The following ANO2 variants were observed in gnomAD, a reference collection of about 807,000 sequenced individuals.
ANO2 encodes the protein anoctamin-2.
A neutral mutation model predicts 124.2 loss-of-function variants in ANO2; 101 were observed. That is an observed-to-expected ratio of 0.81 (90% CI 0.69 to 0.96). ANO2 has a LOEUF of 0.96. ANO2 is among the 40% of genes least tolerant of loss of function. The pLI is 0.00. For missense variants in ANO2, 1,293 were observed against 1,274.5 expected, an observed-to-expected ratio of 1.01 and a Z score of -0.22; for synonymous variants, 486 against 482.5, an observed-to-expected ratio of 1.01 and a Z score of -0.09.
chr12:5,895,118 C>T (rs1454176738), intron 3 of ANO2, among the ~76,000 whole-genome samples: 1 of 152,134 alleles, frequency 6.6e-6, no homozygotes, highest in Non-Finnish European at 1.5e-5. Flanking sequence ...TCTACCTATC[C>T]ATGAGCATGG....
At chr12:5,586,464 C>A (rs1053296695) in intron 20 of ANO2, among the ~76,000 whole-genome samples, 3 of 152,212 alleles carry the variant, frequency 2.0e-5, no homozygotes, top group African/African-American at 7.2e-5. Context: ...GCTTGTAACA[C>A]ACACACACTT....
chr12:5,921,168 G>A lies in ANO2; in HGVS notation c.406C>T (p.His136Tyr), dbSNP rs1941676274. ...VSNGETGKEP[H>Y]AGGPGDIELG... The stretch of plus-strand genomic sequence containing the variant: ...TCAATGTCACCTGGGCCCCCAGCAT[G>A]AGGCTCCTTGCCTGTCTCCCCATTG... The change falls in exon 3 of 25, where the codon CAT becomes TAT. Residue 136 changes from histidine to tyrosine, a missense_variant. Transcript: ENST00000682330. 3 of 1,613,952 alleles carry A rather than the reference G, an allele frequency of 1.9e-6. No individual in the cohort carries two copies. The highest frequency in any genetic ancestry group is 2.5e-6 in the Non-Finnish European group (3 of 1,179,866).
At chr12:5,817,649 G>A (rs1235648613) in intron 7 of ANO2, among the ~76,000 whole-genome samples, 1 of 152,138 alleles carries the variant, frequency 6.6e-6, no homozygotes, top group Non-Finnish European at 1.5e-5. Flanking sequence ...GAAACAGCAT[G>A]AGCAAAGACA....
intron 14 of ANO2, among the ~76,000 whole-genome samples, chr12:5,706,196 C>A (rs1028594725): frequency 6.6e-6 from 1 of 152,228 alleles, no homozygotes; most frequent in Non-Finnish European, 1.5e-5. Flanking sequence ...GCAAAACCTC[C>A]ACCAACAGAA....
intron 8 of ANO2, 57 bp downstream of exon 8, chr12:5,807,253 AGTT>A (rs1953226192): frequency 1.4e-6 from 2 of 1,447,790 alleles, no homozygotes; most frequent in Non-Finnish European, 1.9e-6. Context: ...GCCACTGAAA[AGTT>A]GTGGTTTTCA....
intron 9 of ANO2, among the ~76,000 whole-genome samples, chr12:5,804,700 G>A (rs149819085): frequency 1.8e-4 from 27 of 152,306 alleles, no homozygotes; most frequent in East Asian, 5.8e-4. Context: ...CAGTAATTTC[G>A]TATCTTTCCA....
chr12:5,788,661 C>T (rs1467723812), intron 10 of ANO2, among the ~76,000 whole-genome samples: 1 of 152,188 alleles, frequency 6.6e-6, no homozygotes, highest in Admixed American at 6.5e-5. Flanking sequence ...AGGGTTCGAG[C>T]AACTCTCTTG....
chr12:5,818,508 G>GATAT (rs34332417), intron 7 of ANO2, among the ~76,000 whole-genome samples: 39 of 106,060 alleles, frequency 3.7e-4, no homozygotes, highest in African/African-American at 4.2e-4. Flanking sequence ...TATGTAATAG[G>GATAT]ATATATATAT....
chr12:5,606,754 C>T (rs1944239755), intron 19 of ANO2, among the ~76,000 whole-genome samples: 2 of 151,922 alleles, frequency 1.3e-5, no homozygotes, highest in Admixed American at 1.3e-4. Context: ...TTATTTTTTT[C>T]AATACACATA....
intron 9 of ANO2, among the ~76,000 whole-genome samples, chr12:5,802,123 C>T (rs752392258): frequency 5.3e-5 from 8 of 152,200 alleles, no homozygotes; most frequent in Non-Finnish European, 8.8e-5. Flanking sequence ...AAGGCAAAAA[C>T]GAAAAATGTC....
At chr12:5,578,238 G>A (rs1039446181) in intron 21 of ANO2, 128 bp downstream of exon 21, 10 of 1,370,296 alleles carry the variant, frequency 7.3e-6, no homozygotes, top group Non-Finnish European at 1.0e-5. Context: ...CAGGATATGA[G>A]GATGAGGGAC....
intron 14 of ANO2, among the ~76,000 whole-genome samples, chr12:5,708,006 A>C (rs757567113): frequency 3.3e-5 from 5 of 152,156 alleles, no homozygotes; most frequent in African/African-American, 4.8e-5. Flanking sequence ...TATTTTATAA[A>C]CACCTGGATT....
At chr12:5,912,855 C>G (rs533370274) in intron 3 of ANO2, among the ~76,000 whole-genome samples, 1 of 152,200 alleles carries the variant, frequency 6.6e-6, no homozygotes, top group South Asian at 2.1e-4. Flanking sequence ...AGCAGCGGCA[C>G]GACTGTTCCT....
intron 3 of ANO2, among the ~76,000 whole-genome samples, chr12:5,881,181 C>T (rs550980215): frequency 6.6e-6 from 1 of 152,154 alleles, no homozygotes; most frequent in Non-Finnish European, 1.5e-5. Flanking sequence ...TTGAGAGGGG[C>T]CTTCCAAAGG....
intron 7 of ANO2, among the ~76,000 whole-genome samples, chr12:5,826,437 CATATATATATATATATATAT>C (rs10526567): frequency 0.52 from 74,894 of 144,180 alleles, 20,387 homozygotes; most frequent in East Asian, 0.65. Context: ...TTAATAAACT[CATATATATATATATATATAT>C]ATATATATAT....
At chr12:5,778,570 A>G (rs1406417463) in intron 10 of ANO2, among the ~76,000 whole-genome samples, 3 of 152,226 alleles carry the variant, frequency 2.0e-5, no homozygotes, top group Non-Finnish European at 4.4e-5. Flanking sequence ...TGCAATTCCA[A>G]TAGATGGCAT....
At chr12:5,915,060 G>A (rs1941301613) in intron 3 of ANO2, among the ~76,000 whole-genome samples, 1 of 152,168 alleles carries the variant, frequency 6.6e-6, no homozygotes, top group Non-Finnish European at 1.5e-5. Context: ...GACGCTCAAG[G>A]CTGGGGCAGT....
intron 7 of ANO2, among the ~76,000 whole-genome samples, chr12:5,815,929 A>G (rs2137190581): frequency 6.6e-6 from 1 of 152,316 alleles, no homozygotes; most frequent in Middle Eastern, 3.4e-3. Context: ...CTACAAAGAA[A>G]AAAGAGACAT....
At chr12:5,566,915 C>T (rs1488053774) in intron 23 of ANO2, among the ~76,000 whole-genome samples, 3 of 152,188 alleles carry the variant, frequency 2.0e-5, no homozygotes, top group Non-Finnish European at 4.4e-5. Context: ...TCTTTGGTCC[C>T]TTCTCCTGCC....
Sources: allele counts gnomAD v4.1 joint callset (sites outside exome capture counted in the v4.1 genomes callset), GRCh38; gene constraint gnomAD v4.1.1; transcripts MANE v1.5; gene names NCBI Gene and HGNC (gene_info 2026-07-23, HGNC 2026-07-21).